The following NUBPL variants were observed in gnomAD, a reference collection of about 807,000 sequenced individuals.
NUBPL encodes the protein iron-sulfur cluster transfer protein NUBPL.
In NUBPL, 31 loss-of-function variants were observed where a neutral mutation model predicts 45.7. The ratio of observed to expected loss-of-function variants is 0.68; its 90% CI spans 0.51 to 0.92. The LOEUF (loss-of-function observed/expected upper bound fraction) is 0.92. Ranked by LOEUF, NUBPL falls within the 40% of genes least tolerant of loss-of-function variation. The pLI is 0.00. For synonymous variants in NUBPL, 144 were observed against 140.9 expected (o/e 1.02, Z -0.15); for missense variants, 401 against 398.7 (o/e 1.01, Z -0.05).
chr14:31,695,608 G>T (rs1288749506), intron 6 of NUBPL, among the ~76,000 whole-genome samples: 1 of 152,076 alleles, frequency 6.6e-6, no homozygotes, highest in Non-Finnish European at 1.5e-5. Context: ...TATTACAAGA[G>T]TGTATTGTTG....
chr14:31,777,097 G>A (rs1308063335), intron 6 of NUBPL, among the ~76,000 whole-genome samples: 1 of 152,220 alleles, frequency 6.6e-6, no homozygotes, highest in Non-Finnish European at 1.5e-5. Flanking sequence ...ACTGGTTCAA[G>A]TGAGCCCCAA....
chr14:31,657,761 T>C (rs972988040), intron 4 of NUBPL, among the ~76,000 whole-genome samples: 7 of 152,212 alleles, frequency 4.6e-5, no homozygotes, highest in South Asian at 2.1e-4. Context: ...TCTTCTTTTT[T>C]ACTACTCATG....
intron 4 of NUBPL, chr14:31,654,202 A>G: frequency 2.7e-6 from 1 of 374,324 alleles, no homozygotes. Flanking sequence ...ACTGTAGTCC[A>G]TGAAGTGTGA....
Position 31,640,833 on chromosome 14 carries a change from C to G in NUBPL, c.383-32522C>G, listed in dbSNP as rs531296440. Among the ~76,000 whole-genome samples, 15 of 152,248 alleles carry G rather than the reference C, an allele frequency of 9.9e-5. No individual in the cohort carries two copies. The South Asian group carries it at 3.1e-3, about 32-fold the overall frequency. On this transcript the variant is annotated intron_variant, in intron 4 of 10. Transcript: ENST00000281081. ...GACATCGATCACCTTAAATCCATTT[C>G]TTTATGCTAATAAGAACATTAGAAT...
intron 4 of NUBPL, among the ~76,000 whole-genome samples, chr14:31,659,405 G>A (rs900211622): frequency 6.6e-6 from 1 of 152,166 alleles, no homozygotes; most frequent in Non-Finnish European, 1.5e-5. Context: ...AGGGAAGAAT[G>A]CTATGATCAA....
At chr14:31,753,021 G>C (rs1366443175) in intron 6 of NUBPL, among the ~76,000 whole-genome samples, 1 of 152,164 alleles carries the variant, frequency 6.6e-6, no homozygotes, top group Non-Finnish European at 1.5e-5. Flanking sequence ...CTGCCCCCAT[G>C]GTACAATCAT....
intron 3 of NUBPL, among the ~76,000 whole-genome samples, chr14:31,572,908 GGTAA>G (rs1406276321): frequency 3.9e-5 from 6 of 152,082 alleles, no homozygotes; most frequent in African/African-American, 1.4e-4. Flanking sequence ...GTAACACAAT[GGTAA>G]GTATTTATGT....
At chr14:31,612,033 C>T (rs1008906982) in intron 4 of NUBPL, among the ~76,000 whole-genome samples, 1 of 152,164 alleles carries the variant, frequency 6.6e-6, no homozygotes, top group African/African-American at 2.4e-5. Flanking sequence ...CAATACCCAA[C>T]AAGCACAGGC....
At chr14:31,646,910 T>G (rs1346923654) in intron 4 of NUBPL, among the ~76,000 whole-genome samples, 1 of 152,184 alleles carries the variant, frequency 6.6e-6, no homozygotes, top group Non-Finnish European at 1.5e-5. Context: ...TCTTTCTTTT[T>G]TCTCCTTTGT....
At chr14:31,697,089 A>G (rs973047776) in intron 6 of NUBPL, among the ~76,000 whole-genome samples, 3 of 152,220 alleles carry the variant, frequency 2.0e-5, no homozygotes, top group Non-Finnish European at 4.4e-5. Flanking sequence ...AGACAGATAA[A>G]CTTTTCTCAT....
At chr14:31,786,636 T>C (rs754908295) in intron 6 of NUBPL, among the ~76,000 whole-genome samples, 11 of 152,316 alleles carry the variant, frequency 7.2e-5, no homozygotes, top group Non-Finnish European at 1.6e-4. Flanking sequence ...GCCCAATACA[T>C]AGTAGGTATT....
At chr14:31,630,664 T>C (rs2035317662) in intron 4 of NUBPL, among the ~76,000 whole-genome samples, 2 of 152,196 alleles carry the variant, frequency 1.3e-5, no homozygotes, top group African/African-American at 4.8e-5. Context: ...TTTGAGGCTT[T>C]TGAGCTTCCT....
chr14:31,778,091 G>A (rs776882573), intron 6 of NUBPL, among the ~76,000 whole-genome samples: 6 of 152,204 alleles, frequency 3.9e-5, no homozygotes, highest in East Asian at 1.9e-4. Flanking sequence ...CAGTGTTGGC[G>A]TGTGCCTCAA....
chr14:31,843,919 C>A (rs1360854423), intron 8 of NUBPL: 5 of 152,180 alleles, frequency 3.3e-5, no homozygotes, highest in Non-Finnish European at 5.9e-5. Flanking sequence ...CCTCCAATTA[C>A]AGTACAAGCT....
At chr14:31,840,120 C>T (rs190642152) in intron 8 of NUBPL, among the ~76,000 whole-genome samples, 52 of 152,200 alleles carry the variant, frequency 3.4e-4, no homozygotes, top group East Asian at 3.1e-3. Flanking sequence ...TCCAAAGGAA[C>T]CGAAATCAGT....
chr14:31,764,806 C>T (rs936278773), intron 6 of NUBPL, among the ~76,000 whole-genome samples: 17 of 152,090 alleles, frequency 1.1e-4, no homozygotes, highest in East Asian at 1.9e-4. Flanking sequence ...TAGGTATTTC[C>T]GAAGTAATTT....
intron 4 of NUBPL, among the ~76,000 whole-genome samples, chr14:31,641,534 A>G (rs2035699235): frequency 6.6e-6 from 1 of 152,122 alleles, no homozygotes; most frequent in Non-Finnish European, 1.5e-5. Flanking sequence ...GCTGATTAAT[A>G]TTCCATTGTG....
intron 6 of NUBPL, among the ~76,000 whole-genome samples, chr14:31,742,643 G>A (rs370790047): frequency 6.6e-6 from 1 of 152,014 alleles, no homozygotes; most frequent in Non-Finnish European, 1.5e-5. Flanking sequence ...TTACTCTGTC[G>A]CCCAGGCTAG....
chr14:31,786,706 A>G (rs1233683254), intron 6 of NUBPL, among the ~76,000 whole-genome samples: 1 of 152,220 alleles, frequency 6.6e-6, no homozygotes, highest in Non-Finnish European at 1.5e-5. Context: ...TGTAGTAGAA[A>G]CACTTTAATG....
Sources: gnomAD v4.1 joint callset for allele counts (sites outside exome capture counted in the v4.1 genomes callset) on GRCh38, gnomAD v4.1.1 for gene constraint, MANE v1.5 for transcripts, NCBI Gene and HGNC (gene_info 2026-07-23, HGNC 2026-07-21) for gene names.